Variants in KIAA0232 observed in about 807,000 individuals in gnomAD.
KIAA0232 encodes uncharacterized protein KIAA0232.
Under a neutral mutation model 122.0 loss-of-function variants are expected in KIAA0232, and 27 were observed. The ratio of observed to expected loss-of-function variants is 0.22; its 90% confidence interval spans 0.16 to 0.31. KIAA0232 has a LOEUF of 0.31. Ranked by LOEUF, KIAA0232 falls within the 10% of genes least tolerant of loss-of-function variation. KIAA0232 has a pLI of 1.00. For missense variants in KIAA0232, 1,551 were observed against 1,634.2 expected, an observed-to-expected ratio of 0.95 and a Z score of 0.88; for synonymous variants, 613 against 587.6, an observed-to-expected ratio of 1.04 and a Z score of -0.63.
chr4:6,837,123 C>T (rs928650800), intron 3 of KIAA0232, among the ~76,000 whole-genome samples: 4 of 151,380 alleles, frequency 2.6e-5, no homozygotes, highest in South Asian at 4.2e-4. Flanking sequence ...GGGGCAGCGG[C>T]CGGGCGGGGG....
chr4:6,785,930 CCTGT>C (rs1300979642), intron 1 of KIAA0232, among the ~76,000 whole-genome samples: 1 of 152,196 alleles, frequency 6.6e-6, no homozygotes, highest in Non-Finnish European at 1.5e-5. Context: ...ATTGGAATGT[CCTGT>C]CTCACTCCCA....
chr4:6,865,526 C>G (rs1032337840), intron 7 of KIAA0232, among the ~76,000 whole-genome samples: 1 of 152,194 alleles, frequency 6.6e-6, no homozygotes, highest in Admixed American at 6.5e-5. Context: ...GTCTTGAACT[C>G]CTAACTTCAA....
intron 2 of KIAA0232, among the ~76,000 whole-genome samples, chr4:6,811,591 A>G (rs924526257): frequency 1.3e-5 from 2 of 151,914 alleles, no homozygotes; most frequent in African/African-American, 4.8e-5. Flanking sequence ...TCCAAGCGCA[A>G]GCCACCATGC....
At chr4:6,867,146 G>A (rs1177992284) in intron 7 of KIAA0232, among the ~76,000 whole-genome samples, 3 of 151,924 alleles carry the variant, frequency 2.0e-5, no homozygotes, top group African/African-American at 4.8e-5. Flanking sequence ...TGGATATACC[G>A]TAATCTACCT....
At chr4:6,856,785 C>T (rs899183842) in intron 4 of KIAA0232, among the ~76,000 whole-genome samples, 4 of 151,918 alleles carry the variant, frequency 2.6e-5, no homozygotes, top group Non-Finnish European at 4.4e-5. Flanking sequence ...TATAAGATCT[C>T]GCTCACATAA....
At chr4:6,838,670 A>G (rs1719480536) in intron 3 of KIAA0232, among the ~76,000 whole-genome samples, 1 of 151,224 alleles carries the variant, frequency 6.6e-6, no homozygotes, top group South Asian at 2.1e-4. Context: ...AACTGTTGAC[A>G]GTAGTTACCT....
At chr4:6,805,435 T>C (rs1467858564) in intron 2 of KIAA0232, among the ~76,000 whole-genome samples, 1 of 152,228 alleles carries the variant, frequency 6.6e-6, no homozygotes, top group African/African-American at 2.4e-5. Flanking sequence ...AAACACATTA[T>C]TGAAGTATTG....
chr4:6,845,015 C>T (rs1393674426), intron 4 of KIAA0232, among the ~76,000 whole-genome samples: 1 of 152,220 alleles, frequency 6.6e-6, no homozygotes, highest in Non-Finnish European at 1.5e-5. Flanking sequence ...TCTCTCATTT[C>T]CTTCTGTACC....
Position 6,843,532 on chromosome 4 carries a change from G to T in KIAA0232, c.369+1328G>T, listed in dbSNP as rs190982418. On this transcript the variant is annotated intron_variant, in intron 4 of 9. Transcript: ENST00000307659. ...ACCTGTAATCCCAGGACTTTGGGAG[G>T]CCAAGGCGGGCAGATCACCTGAGGT... Among the ~76,000 whole-genome samples the T allele has an allele frequency of 5.9e-5, 9 of 152,312 alleles. No homozygotes were observed. In the East Asian group the frequency reaches 1.7e-3, roughly 29 times the overall value.
Position 6,883,270 on chromosome 4 carries a change from C to G in KIAA0232, c.*2304C>G, listed in dbSNP as rs1006178253. On this transcript the variant is annotated 3_prime_UTR_variant, in exon 10 of 10. Transcript: ENST00000307659. ...CATTCCTGGGCTGAGATTGTTTTTC[C>G]CGTGGTTGTATTGTTCTGATTTCAC... 2 of 152,584 alleles carry G rather than the reference C, an allele frequency of 1.3e-5. No individual in the cohort carries two copies. The highest frequency in any genetic ancestry group is 2.9e-5 in the Non-Finnish European group (2 of 68,040). The allele number at this position is 152,584 out of a possible 1,614,324, so 9.5% of individuals were successfully genotyped here. A position where few individuals can be genotyped will look rare whatever the true frequency, so the allele number is the denominator to read the frequency against.
intron 4 of KIAA0232, among the ~76,000 whole-genome samples, chr4:6,848,723 A>G (rs1295040188): frequency 6.6e-6 from 1 of 152,254 alleles, no homozygotes; most frequent in Non-Finnish European, 1.5e-5. Flanking sequence ...TTTCTGGGTA[A>G]TACTAAGAGC....
intron 1 of KIAA0232, among the ~76,000 whole-genome samples, chr4:6,798,881 G>T (rs989814543): frequency 6.6e-6 from 1 of 152,166 alleles, no homozygotes; most frequent in African/African-American, 2.4e-5. Flanking sequence ...GATAAAAGTT[G>T]CACGAGAAGA....
rs530945456 is a variant in KIAA0232 at position 6,810,117 on chromosome 4, C to T, written c.-270+5511C>T. Among the ~76,000 whole-genome samples, 9 of 152,120 alleles carry T rather than the reference C, an allele frequency of 5.9e-5. No homozygotes were observed. In the East Asian group the frequency reaches 1.7e-3, roughly 29 times the overall value. ...GAAATCAAAAAAGAGCCCTAATAGC[C>T]AAAGCAATCCTGACCAAAAAGAACA... is the stretch of plus-strand genomic sequence containing the variant. On this transcript the variant is annotated intron_variant, in intron 2 of 9. Coordinates refer to ENST00000307659, the MANE Select transcript of KIAA0232 (RefSeq NM_014743.3).
intron 2 of KIAA0232, among the ~76,000 whole-genome samples, chr4:6,823,701 A>T (rs1420479590): frequency 2.6e-5 from 4 of 151,200 alleles, no homozygotes; most frequent in South Asian, 2.1e-4. Context: ...ACAAAATTTT[A>T]CTAGTCCAAT....
chr4:6,800,575 G>A (rs964325378), intron 1 of KIAA0232, among the ~76,000 whole-genome samples: 2 of 151,946 alleles, frequency 1.3e-5, no homozygotes, highest in Middle Eastern at 3.4e-3. Flanking sequence ...CAGCTACGCA[G>A]GAGGCTGATG....
intron 2 of KIAA0232, among the ~76,000 whole-genome samples, chr4:6,809,470 C>A (rs1717778864): frequency 6.6e-6 from 1 of 152,132 alleles, no homozygotes; most frequent in Non-Finnish European, 1.5e-5. Flanking sequence ...ATTTTGTCAC[C>A]CTGTGTCCCA....
At chr4:6,858,650 T>A in intron 6 of KIAA0232, 144 bp downstream of exon 6, 1 of 574,978 alleles carries the variant, frequency 1.7e-6, no homozygotes, top group East Asian at 3.2e-5. Context: ...GCTTATATGC[T>A]TGACACTGAG....
At chr4:6,842,456 CTAT>C (rs1719714390) in intron 4 of KIAA0232, among the ~76,000 whole-genome samples, 1 of 152,084 alleles carries the variant, frequency 6.6e-6, no homozygotes, top group Non-Finnish European at 1.5e-5. Flanking sequence ...TCCAACTCGA[CTAT>C]TTCATCCTGT....
chr4:6,878,754 T>G (rs1379568367), intron 9 of KIAA0232, among the ~76,000 whole-genome samples: 1 of 152,180 alleles, frequency 6.6e-6, no homozygotes, highest in Admixed American at 6.5e-5. Flanking sequence ...CCCGTTAACT[T>G]GAATCACACG....
Sources: allele counts gnomAD v4.1 joint callset (sites outside exome capture counted in the v4.1 genomes callset), GRCh38; gene constraint gnomAD v4.1.1; transcripts MANE v1.5; gene names NCBI Gene and HGNC (gene_info 2026-07-23, HGNC 2026-07-21).